PANK1: variants seen among roughly 807,000 people sequenced by gnomAD.
PANK1 encodes pantothenic acid kinase 1.
A neutral mutation model predicts 40.1 loss-of-function variants in PANK1; 18 were observed. The observed-to-expected ratio is 0.45, with a 90% CI of 0.31 to 0.67. The LOEUF is 0.67. Ranked by LOEUF, PANK1 falls within the 30% of genes least tolerant of loss-of-function variation. The probability of loss-of-function intolerance (pLI) is 0.06; values close to 1 mark genes in which losing one functional copy is unlikely to be tolerated. For synonymous variants in PANK1, 242 were observed against 237.7 expected (o/e 1.02, Z -0.17); for missense variants, 457 against 599.6 (o/e 0.76, Z 2.48).
At chr10:89,587,710 A>G (rs759451713) in intron 6 of PANK1, among the ~76,000 whole-genome samples, 15 of 152,212 alleles carry the variant, frequency 9.9e-5, no homozygotes, top group Non-Finnish European at 1.8e-4. Context: ...GTAAGTGCAC[A>G]TTTACACATT....
At chr10:89,622,709 T>C (rs11185813) in intron 1 of PANK1, among the ~76,000 whole-genome samples, 47,537 of 151,626 alleles carry the variant, frequency 0.31, 7,560 homozygotes, top group Non-Finnish European at 0.35. Context: ...TGGTGGCTGG[T>C]GCCTGTAATC....
chr10:89,633,757 A>G (rs1841719026), intron 1 of PANK1, among the ~76,000 whole-genome samples: 3 of 152,210 alleles, frequency 2.0e-5, no homozygotes, highest in Admixed American at 2.0e-4. Flanking sequence ...GCCTAGCCCA[A>G]ATAAATTAAA....
intron 1 of PANK1, among the ~76,000 whole-genome samples, chr10:89,624,949 A>C (rs528623242): frequency 1.3e-5 from 2 of 152,082 alleles, no homozygotes; most frequent in East Asian, 1.9e-4. Flanking sequence ...CCCAGGCTGG[A>C]GTGTAGTGGT....
At chr10:89,580,051 C>A (rs2133906732), downstream of PANK1, 1 of 152,346 alleles carries the variant, frequency 6.6e-6, no homozygotes, top group Middle Eastern at 3.4e-3. Flanking sequence ...TCTAACAATT[C>A]TTGTGAGTGA....
chr10:89,644,642 G>T lies in PANK1; in HGVS notation c.250C>A (p.Arg84=). 1 of 1,583,552 alleles carries T rather than the reference G, an allele frequency of 6.3e-7. No homozygotes were observed. The highest frequency in any genetic ancestry group is 8.5e-7 in the Non-Finnish European group (1 of 1,170,520). ...CCCGAGTCCATCCTCCTCCGCAGCCGGCATTTCTTGGCCGGGGAGTCATGC... is the reference window on the plus strand; with the variant it reads ...CCCGAGTCCATCCTCCTCCGCAGCCTGCATTTCTTGGCCGGGGAGTCATGC... The part of the protein sequence containing the change: ...PQHDSPAKKC[R]LRRRMDSGRK... The change falls in exon 1 of 7, where the codon CGG becomes AGG. Residue 84 remains arginine, a synonymous_variant. Coordinates refer to ENST00000307534, the MANE Select transcript of PANK1 (RefSeq NM_148977.3).
intron 1 of PANK1, among the ~76,000 whole-genome samples, chr10:89,617,424 T>C (rs1231248779): frequency 2.0e-5 from 3 of 152,240 alleles, no homozygotes; most frequent in Non-Finnish European, 4.4e-5. Context: ...TAGCATGTAT[T>C]CATTACTATT....
At chr10:89,607,907 A>G (rs574347563) in intron 2 of PANK1, among the ~76,000 whole-genome samples, 1 of 152,222 alleles carries the variant, frequency 6.6e-6, no homozygotes, top group East Asian at 1.9e-4. Flanking sequence ...TCATTGGCTT[A>G]TCAACATCTT....
chr10:89,635,307 A>G (rs1330225619), intron 1 of PANK1, among the ~76,000 whole-genome samples: 1 of 152,186 alleles, frequency 6.6e-6, no homozygotes, highest in Non-Finnish European at 1.5e-5. Flanking sequence ...TAAGGCCAAG[A>G]TTGGGGGGCT....
In PANK1 at chr10:89,643,650, T is replaced by A. The variant is rs540416152; in HGVS notation, c.292+950A>T. 2.1e-6 allele frequency: 3 copies of A among 1,456,964 alleles called. No homozygotes were observed. The South Asian group carries it at 3.4e-5, about 17-fold the overall frequency. 90.3% of individuals were successfully genotyped at this position (1,456,964 alleles called of 1,614,324 possible). ...AACAATTTCCCTATATCGAACAGCA[T>A]AACCTCTATGCAAATGCAGTCATTT... On this transcript the variant is annotated intron_variant, in intron 1 of 6. Coordinates refer to ENST00000307534, the MANE Select transcript of PANK1 (RefSeq NM_148977.3).
intron 5 of PANK1, chr10:89,592,969 C>A: frequency 1.8e-6 from 1 of 563,670 alleles, no homozygotes. Context: ...ATCCTGTTTC[C>A]ACAGGTGAAT....
chr10:89,643,794 C>A (rs750489878), intron 1 of PANK1: 105 of 1,608,554 alleles, frequency 6.5e-5, no homozygotes, highest in Non-Finnish European at 8.6e-5. Context: ...TAAACTCGAC[C>A]TACAAATTTA....
In PANK1 at chr10:89,623,575, A is replaced by G. The variant is rs572610509; in HGVS notation, c.293-11527T>C. Among the ~76,000 whole-genome samples, 4 of 151,830 alleles carry G rather than the reference A, an allele frequency of 2.6e-5. No individual in the cohort carries two copies. The East Asian group carries it at 7.7e-4, about 29-fold the overall frequency. ...ACACTTGAACTTCATAATCAGAGCT[A>G]TTTTTAAATTCTTAAAAACTTCTCT... On this transcript the variant is annotated intron_variant, in intron 1 of 6. Coordinates refer to ENST00000307534, the MANE Select transcript of PANK1 (RefSeq NM_148977.3).
At chr10:89,601,575 T>A (rs1340514216) in intron 2 of PANK1, among the ~76,000 whole-genome samples, 1 of 152,200 alleles carries the variant, frequency 6.6e-6, no homozygotes, top group Non-Finnish European at 1.5e-5. Flanking sequence ...TTCACATTAC[T>A]CATTTGAATT....
At chr10:89,644,337 G>A (rs985010765) in intron 1 of PANK1, among the ~76,000 whole-genome samples, 1 of 152,166 alleles carries the variant, frequency 6.6e-6, no homozygotes, top group African/African-American at 2.4e-5. Flanking sequence ...ATATATCCTT[G>A]ACCTAGGGAC....
chr10:89,635,213 T>G (rs1266565217), intron 1 of PANK1, among the ~76,000 whole-genome samples: 1 of 152,172 alleles, frequency 6.6e-6, no homozygotes, highest in Non-Finnish European at 1.5e-5. Flanking sequence ...TCTTAGTCCA[T>G]TTTGTGCTGC....
At chr10:89,620,989 C>T (rs925854328) in intron 1 of PANK1, among the ~76,000 whole-genome samples, 2 of 152,128 alleles carry the variant, frequency 1.3e-5, no homozygotes, top group Non-Finnish European at 2.9e-5. Context: ...TGCCTAAGGA[C>T]GTCCACAAGT....
At chr10:89,626,953 G>C (rs117550353) in intron 1 of PANK1, among the ~76,000 whole-genome samples, 2,248 of 152,252 alleles carry the variant, frequency 0.015, 31 homozygotes, top group South Asian at 0.039. Context: ...AATTAAAGAG[G>C]CTTCAGGGAG....
At chr10:89,623,223 GTTTTGT>G (rs1414545060) in intron 1 of PANK1, among the ~76,000 whole-genome samples, 1 of 151,648 alleles carries the variant, frequency 6.6e-6, no homozygotes. Flanking sequence ...TTTTTGTTTT[GTTTTGT>G]TTTTGTTTTT....
At chr10:89,616,920 C>CAAAAAAAAAAAAA (rs937915055) in intron 1 of PANK1, among the ~76,000 whole-genome samples, 1 of 150,448 alleles carries the variant, frequency 6.6e-6, no homozygotes, top group African/African-American at 2.5e-5. Flanking sequence ...GACTCCATCT[C>CAAAAAAAAAAAAA]AAAAAAAGAG....
Sources: gnomAD v4.1 joint callset for allele counts (sites outside exome capture counted in the v4.1 genomes callset) on GRCh38, gnomAD v4.1.1 for gene constraint, MANE v1.5 for transcripts, NCBI Gene and HGNC (gene_info 2026-07-23, HGNC 2026-07-21) for gene names.